The following DCUN1D5 variants were observed in gnomAD, a reference collection of about 807,000 sequenced individuals.
DCUN1D5 encodes the protein defective in cullin neddylation 1 domain containing 5.
A neutral mutation model predicts 38.3 loss-of-function variants in DCUN1D5; 10 were observed. The observed-to-expected ratio is 0.26, with a 90% confidence interval of 0.16 to 0.44. The LOEUF (loss-of-function observed/expected upper bound fraction) is 0.44, where lower values mean the gene tolerates loss of function less well. Among genes scored for constraint, DCUN1D5 ranks in the 20% least tolerant of loss-of-function variants. The probability of loss-of-function intolerance (pLI) is 1.00; values close to 1 mark genes in which losing one functional copy is unlikely to be tolerated. For missense variants in DCUN1D5, 148 were observed against 275.3 expected, an observed-to-expected ratio of 0.54 and a Z score of 3.27; for synonymous variants, 93 against 90.9, an observed-to-expected ratio of 1.02 and a Z score of -0.13.
chr11:103,077,973 C>T lies in DCUN1D5; in HGVS notation c.341+4775G>A, dbSNP rs1206066437. On this transcript the variant is annotated intron_variant, in intron 4 of 7. Transcript: ENST00000260247. The surrounding 1 kb of genome is among the most constrained non-coding windows in gnomAD (Gnocchi z 4.3). The stretch of plus-strand genomic sequence containing the variant: ...AAATGAATGACAGTCACATCACACA[C>T]GATGGCATTTCATTTACTCTCCTCT... 2.0e-5 allele frequency among the ~76,000 whole-genome samples: 3 copies of T among 151,998 alleles called. No homozygotes were observed. Among genetic ancestry groups the T allele is most frequent in the Non-Finnish European group, 2.9e-5 (2 of 68,000 alleles).
Position 103,060,480 on chromosome 11 carries a change from C to T in DCUN1D5, c.*1879G>A, listed in dbSNP as rs573213504. 7.2e-5 allele frequency among the ~76,000 whole-genome samples: 11 copies of T among 152,102 alleles called. No homozygotes were observed. The highest frequency in any genetic ancestry group is 2.0e-4 in the Admixed American group (3 of 15,260). ...CACCTACATACACGGGGAGGGCTGA[C>T]TTTTTATACAGGCAGGTTCCACAGG... On this transcript the variant is annotated 3_prime_UTR_variant, in exon 8 of 8. Transcript: ENST00000260247.
At chr11:103,088,585 C>T (rs181497944) in intron 2 of DCUN1D5, among the ~76,000 whole-genome samples, 3 of 152,320 alleles carry the variant, frequency 2.0e-5, no homozygotes, top group East Asian at 1.9e-4. Flanking sequence ...CTCTAGAAAA[C>T]TCCCATGACA....
chr11:103,089,050 A>G (rs547517919), intron 2 of DCUN1D5, among the ~76,000 whole-genome samples, 177 bp downstream of exon 2: 1 of 152,224 alleles, frequency 6.6e-6, no homozygotes, highest in Non-Finnish European at 1.5e-5. Context: ...ATTTAAAGAA[A>G]TATCAGCCTA....
Position 103,061,546 on chromosome 11 carries a change from T to C in DCUN1D5, c.*813A>G. ...GATTCCTTATTCTATTGTCTTCTTT[T>C]CCTATGTGTATCTTAATTAAATCCA... On this transcript the variant is annotated 3_prime_UTR_variant, in exon 8 of 8. Transcript: ENST00000260247. Among the ~76,000 whole-genome samples the C allele has an allele frequency of 6.6e-6, 1 of 151,522 alleles. No individual in the cohort carries two copies. The highest frequency in any genetic ancestry group is 2.4e-5 in the African/African-American group (1 of 41,248).
intron 4 of DCUN1D5, among the ~76,000 whole-genome samples, chr11:103,074,183 A>G (rs1862350141): frequency 6.6e-6 from 1 of 152,220 alleles, no homozygotes; most frequent in Admixed American, 6.5e-5. Context: ...CAGGAATGAA[A>G]GAAGTTATAG....
At chr11:103,089,117 T>A in intron 2 of DCUN1D5, 110 bp downstream of exon 2, 1 of 1,084,858 alleles carries the variant, frequency 9.2e-7, no homozygotes, top group Non-Finnish European at 1.3e-6. Context: ...CTCATCCCAG[T>A]ACACAGCACT....
chr11:103,058,091 C>A lies in DCUN1D5; in HGVS notation c.*4268G>T, dbSNP rs563680519. Among the ~76,000 whole-genome samples the A allele has an allele frequency of 6.6e-6, 1 of 152,072 alleles. No individual in the cohort carries two copies. Among genetic ancestry groups the A allele is most frequent in the African/African-American group, 2.4e-5 (1 of 41,416 alleles). The stretch of plus-strand genomic sequence containing the variant: ...AAAATTGGCATTATAAGACAAGATT[C>A]AATACTTAGGTTAAAATCTAACCTT... On this transcript the variant is annotated 3_prime_UTR_variant, in exon 8 of 8. Coordinates refer to ENST00000260247, the MANE Select transcript of DCUN1D5 (RefSeq NM_032299.4).
chr11:103,060,962 A>G lies in DCUN1D5; in HGVS notation c.*1397T>C, dbSNP rs1013173239. Among the ~76,000 whole-genome samples, 1 of 152,198 alleles carries G rather than the reference A, an allele frequency of 6.6e-6. No homozygotes were observed. Among genetic ancestry groups the G allele is most frequent in the African/African-American group, 2.4e-5 (1 of 41,464 alleles). ...TCTGTATTATCCTTTTCTATAAGAC[A>G]TTTAGGAAAACTGTCTCCCACTATT... is the stretch of plus-strand genomic sequence containing the variant. On this transcript the variant is annotated 3_prime_UTR_variant, in exon 8 of 8. Coordinates refer to ENST00000260247, the MANE Select transcript of DCUN1D5 (RefSeq NM_032299.4).
chr11:103,051,414 A>G lies in DCUN1D5; in HGVS notation c.*10945T>C, dbSNP rs1861727157. 1 of 150,348 alleles carries G rather than the reference A, an allele frequency of 6.7e-6. No individual in the cohort carries two copies. Among genetic ancestry groups the G allele is most frequent in the Non-Finnish European group, 1.5e-5 (1 of 67,880 alleles). The allele number at this position is 150,348 out of a possible 1,614,324, so 9.3% of individuals were successfully genotyped here. A position where few individuals can be genotyped will look rare whatever the true frequency, so the allele number is the denominator to read the frequency against. On this transcript the variant is annotated 3_prime_UTR_variant, in exon 8 of 8. Transcript: ENST00000260247. ...TATCAGCATGAAAAGTTCATGACTT[A>G]TTCACCTGTGACATAACTTTGGAGT...
At position 103,087,186 on chromosome 11, in the gene DCUN1D5, T is replaced by C. The variant is rs892095658; in HGVS notation, c.178+2041A>G. Among the ~76,000 whole-genome samples the C allele has an allele frequency of 2.0e-5, 3 of 151,058 alleles. No individual in the cohort carries two copies. The highest frequency in any genetic ancestry group is 7.3e-5 in the African/African-American group (3 of 41,174). ...TTTTTTCTTTTTCTTTTTTTTTTTTTTTGAGGCAGAGTCTCACTCTGTCAC... is the reference window on the plus strand; with the variant it reads ...TTTTTTCTTTTTCTTTTTTTTTTTTCTTGAGGCAGAGTCTCACTCTGTCAC... On this transcript the variant is annotated intron_variant, in intron 2 of 7. Transcript: ENST00000260247. This position sits in a 1 kb window ranked among gnomAD's most constrained non-coding sequence, Gnocchi z 4.1.
rs1247342821 is a variant in DCUN1D5 at position 103,056,642 on chromosome 11, C to T, written c.*5717G>A. Among the ~76,000 whole-genome samples, 1 of 152,124 alleles carries T rather than the reference C, an allele frequency of 6.6e-6. No homozygotes were observed. The highest frequency in any genetic ancestry group is 1.5e-5 in the Non-Finnish European group (1 of 68,008). On this transcript the variant is annotated 3_prime_UTR_variant, in exon 8 of 8. Transcript: ENST00000260247. This position sits in a 1 kb window ranked among gnomAD's most constrained non-coding sequence, Gnocchi z 4.9. ...AAGGTTCGAAATTACTGTCTTGCTT[C>T]GTGCCCTGCAATATATTCAGGCCTA... is the stretch of plus-strand genomic sequence containing the variant.
rs886820451 is a variant in DCUN1D5 at position 103,078,037 on chromosome 11, C to T, written c.341+4711G>A. On this transcript the variant is annotated intron_variant, in intron 4 of 7. Transcript: ENST00000260247. The surrounding 1 kb of genome is among the most constrained non-coding windows in gnomAD (Gnocchi z 4.6). ...AAAAAAAAAATCATATAAATGTTCC[C>T]TATTCCCCTCTCGCTAAGACGGTCA... Among the ~76,000 whole-genome samples, 20 of 152,116 alleles carry T rather than the reference C, an allele frequency of 1.3e-4. No homozygotes were observed. Among genetic ancestry groups the T allele is most frequent in the African/African-American group, 4.6e-4 (19 of 41,430 alleles).
Position 103,083,220 on chromosome 11 carries a change from C to CTA in DCUN1D5, c.249+35_249+36insTA. The CTA allele has an allele frequency of 9.9e-7, 1 of 1,008,100 alleles. No homozygotes were observed. Among genetic ancestry groups the CTA allele is most frequent in the East Asian group, 2.4e-5 (1 of 41,520 alleles). 62.4% of individuals were successfully genotyped at this position (1,008,100 alleles called of 1,614,324 possible). On this transcript the variant is annotated intron_variant, in intron 3 of 7. Transcript: ENST00000260247. This position sits in a 1 kb window ranked among gnomAD's most constrained non-coding sequence, Gnocchi z 4.4. ...AGTAATTTACGAATATGCTATACCC[C>CTA]ACTTATATGCCATTCTACTTAGAAA...
Position 103,085,009 on chromosome 11 carries a change from T to A in DCUN1D5, c.179-1683A>T, listed in dbSNP as rs181573362. On this transcript the variant is annotated intron_variant, in intron 2 of 7. Coordinates refer to ENST00000260247, the MANE Select transcript of DCUN1D5 (RefSeq NM_032299.4). ...CAAAAAAAAATAAAAAATAAAAAAT[T>A]AAGGGAAAAGACAAACGGTTTTTTT... Among the ~76,000 whole-genome samples the A allele has an allele frequency of 2.0e-5, 3 of 152,120 alleles. No individual in the cohort carries two copies. In the East Asian group the frequency reaches 5.8e-4, roughly 29 times the overall value.
rs540311384 is a variant in DCUN1D5 at position 103,069,327 on chromosome 11, A to G, written c.342-2760T>C. ...CTGCCTTTTCTCTAGCCAAAAGACAAAGAAAGGAGGAGCCTCACAAAACAG... is the reference window on the plus strand; with the variant it reads ...CTGCCTTTTCTCTAGCCAAAAGACAGAGAAAGGAGGAGCCTCACAAAACAG... On this transcript the variant is annotated intron_variant, in intron 4 of 7. Coordinates refer to ENST00000260247, the MANE Select transcript of DCUN1D5 (RefSeq NM_032299.4). 1.8e-3 allele frequency among the ~76,000 whole-genome samples: 278 copies of G among 152,310 alleles called. 2 individuals are homozygous for G. Among genetic ancestry groups the G allele is most frequent in the African/African-American group, 6.5e-3 (270 of 41,586 alleles).
Position 103,073,124 on chromosome 11 carries a change from A to G in DCUN1D5, c.342-6557T>C, listed in dbSNP as rs891517190. On this transcript the variant is annotated intron_variant, in intron 4 of 7. Transcript: ENST00000260247. This position sits in a 1 kb window ranked among gnomAD's most constrained non-coding sequence, Gnocchi z 4.2. ...ACATGTGGACACTAAAATGTAAAAT[A>G]CCATTTACAACAGGTTGAAGTAAAA... Among the ~76,000 whole-genome samples, 2 of 152,172 alleles carry G rather than the reference A, an allele frequency of 1.3e-5. No homozygotes were observed. The highest frequency in any genetic ancestry group is 2.9e-5 in the Non-Finnish European group (2 of 68,024).
In DCUN1D5 at chr11:103,055,010, G is replaced by C. The variant is rs1206789367; in HGVS notation, c.*7349C>G. On this transcript the variant is annotated 3_prime_UTR_variant, in exon 8 of 8. Coordinates refer to ENST00000260247, the MANE Select transcript of DCUN1D5 (RefSeq NM_032299.4). ...GAAGTGTTTTAGATTTCTTTTTTTTGATCTTTGAATATTTGCATATTCATA... is the reference window on the plus strand; with the variant it reads ...GAAGTGTTTTAGATTTCTTTTTTTTCATCTTTGAATATTTGCATATTCATA... 1 of 151,828 alleles carries C rather than the reference G, an allele frequency of 6.6e-6. No homozygotes were observed. Among genetic ancestry groups the C allele is most frequent in the Non-Finnish European group, 1.5e-5 (1 of 67,912 alleles). The allele number at this position is 151,828 out of a possible 1,614,324, so 9.4% of individuals were successfully genotyped here.
chr11:103,081,046 T>C (rs936877783), intron 4 of DCUN1D5, among the ~76,000 whole-genome samples: 6 of 152,116 alleles, frequency 3.9e-5, no homozygotes, highest in African/African-American at 1.4e-4. Context: ...AGTCAGTTTC[T>C]ATTCTTGTAC....
intron 4 of DCUN1D5, among the ~76,000 whole-genome samples, chr11:103,070,682 T>C (rs116652969): frequency 0.015 from 2,358 of 152,232 alleles, 56 homozygotes; most frequent in African/African-American, 0.052. Flanking sequence ...CTAGATAGAA[T>C]TCAACGAACA....
Sources: gnomAD v4.1 joint callset for allele counts (sites outside exome capture counted in the v4.1 genomes callset) on GRCh38, gnomAD v4.1.1 for gene constraint, Gnocchi (gnomAD v3.1) non-coding constraint, MANE v1.5 for transcripts, NCBI Gene and HGNC (gene_info 2026-07-23, HGNC 2026-07-21) for gene names.